Variants in NUB1 observed in about 807,000 individuals in gnomAD.
NUB1 encodes NEDD8 ultimate buster 1.
In NUB1, 41 loss-of-function variants were observed where a neutral mutation model predicts 77.1. The observed-to-expected ratio is 0.53, with a 90% CI of 0.41 to 0.69. The LOEUF (loss-of-function observed/expected upper bound fraction) is 0.69, where lower values mean the gene tolerates loss of function less well. Ranked by LOEUF, NUB1 falls within the 30% of genes least tolerant of loss-of-function variation. NUB1 has a pLI of 0.00. For missense variants in NUB1, 643 were observed against 743.8 expected, an observed-to-expected ratio of 0.86 and a Z score of 1.58; for synonymous variants, 257 against 281.0, an observed-to-expected ratio of 0.91 and a Z score of 0.85.
chr7:151,358,124 G>A (rs1289879082), intron 7 of NUB1, among the ~76,000 whole-genome samples: 2 of 150,862 alleles, frequency 1.3e-5, no homozygotes, highest in East Asian at 2.0e-4. Context: ...TACAGTGCAC[G>A]CCACCATGCC....
At chr7:151,349,643 A>G (rs114741499) in intron 3 of NUB1, among the ~76,000 whole-genome samples, 2,444 of 152,298 alleles carry the variant, frequency 0.016, 80 homozygotes, top group African/African-American at 0.056. Context: ...AGCAGGGCCG[A>G]GGAGATCTGG....
At position 151,345,218 on chromosome 7, in the gene NUB1, A is replaced by G. The variant is rs537809591; in HGVS notation, c.-2-130A>G. 97 of 585,988 alleles carry G rather than the reference A, an allele frequency of 1.7e-4. 1 individual carries two copies. Among genetic ancestry groups the G allele is most frequent in the South Asian group, 1.4e-3 (70 of 49,180 alleles). 36.3% of individuals were successfully genotyped at this position (585,988 alleles called of 1,614,324 possible). A position where few individuals can be genotyped will look rare whatever the true frequency, so the allele number is the denominator to read the frequency against. On this transcript the variant is annotated intron_variant, in intron 1 of 14. Transcript: ENST00000568733. ...GAGAAGTCTGGAGCTCATTTAAACC[A>G]TAGTAATTTATATTTAATGACAGAG...
chr7:151,364,432 CAAAAA>C (rs113699534), intron 8 of NUB1, among the ~76,000 whole-genome samples: 1 of 146,690 alleles, frequency 6.8e-6, no homozygotes. Context: ...AAAACAAAAA[CAAAAA>C]AAAACAAAAA....
chr7:151,377,007 C>A, intron 14 of NUB1, 40 bp from the exon 15 acceptor site: 1 of 1,485,972 alleles, frequency 6.7e-7, no homozygotes, highest in Non-Finnish European at 9.0e-7. Flanking sequence ...CCAGGACAAT[C>A]CTCACATAAT....
intron 5 of NUB1, among the ~76,000 whole-genome samples, chr7:151,353,985 T>C (rs1796942195): frequency 6.6e-6 from 1 of 152,222 alleles, no homozygotes; most frequent in Non-Finnish European, 1.5e-5. Flanking sequence ...TTGATTTTGA[T>C]GTCATCAAAT....
In NUB1 at chr7:151,349,139, G is replaced by C. The variant is rs780143566; in HGVS notation, c.184G>C (p.Glu62Gln). 1.3e-5 allele frequency: 21 copies of C among 1,613,472 alleles called. No homozygotes were observed. In the East Asian group the frequency reaches 4.7e-4, roughly 36 times the overall value. Residue 62 changes from glutamate (E) to glutamine (Q), a missense_variant, in exon 3 of 15, where the codon GAA becomes CAA. Coordinates refer to ENST00000568733, the MANE Select transcript of NUB1 (RefSeq NM_001243351.2). ...AAATGAAGTAGAAAAGGTAATAGAA[G>C]AAATACGTTGCAAGGCAATTGAGCG... ...CENEVEKVIE[E>Q]IRCKAIERGT...
chr7:151,352,563 C>T (rs1043573408), intron 4 of NUB1, among the ~76,000 whole-genome samples: 3 of 152,132 alleles, frequency 2.0e-5, no homozygotes, highest in African/African-American at 7.2e-5. Context: ...CTACCCAAAC[C>T]TCCCAAGCAG....
chr7:151,355,284 G>A (rs187433041), intron 5 of NUB1, among the ~76,000 whole-genome samples: 5 of 152,272 alleles, frequency 3.3e-5, no homozygotes, highest in Admixed American at 2.6e-4. Flanking sequence ...TTCTATTGTC[G>A]CTAGCTGATT....
chr7:151,370,644 T>G (rs892857570), intron 11 of NUB1, among the ~76,000 whole-genome samples: 4 of 151,852 alleles, frequency 2.6e-5, no homozygotes, highest in African/African-American at 7.3e-5. Context: ...CTGCACCCAT[T>G]AACTCGTCAT....
In NUB1 at chr7:151,368,797, G is replaced by T. The variant is rs780459886; in HGVS notation, c.1158G>T (p.Leu386Phe). The T allele has an allele frequency of 6.2e-7, 1 of 1,613,996 alleles. No individual in the cohort carries two copies. Among genetic ancestry groups the T allele is most frequent in the South Asian group, 1.1e-5 (1 of 91,062 alleles). Residue 386 changes from leucine (L) to phenylalanine (F), a missense_variant, in exon 11 of 15, where the codon TTG becomes TTT. Transcript: ENST00000568733. ...DPSKVDNLLQLGFTAQEARLG... is the reference protein window; with the variant it reads ...DPSKVDNLLQFGFTAQEARLG... ...CAAAAGTGGACAATTTGTTGCAGTT[G>T]GGGTTTACTGCCCAGGAAGCCCGGC... is the stretch of plus-strand genomic sequence containing the variant.
intron 3 of NUB1, among the ~76,000 whole-genome samples, chr7:151,350,741 G>T (rs1159936915): frequency 1.3e-5 from 2 of 152,130 alleles, no homozygotes; most frequent in East Asian, 3.9e-4. Context: ...TCGGTCTCTT[G>T]CCTTGGCACC....
intron 7 of NUB1, 59 bp downstream of exon 7, chr7:151,356,281 T>A (rs1797060639): frequency 1.6e-6 from 2 of 1,234,364 alleles, no homozygotes; most frequent in East Asian, 4.8e-5. Context: ...GCAGAGGTGG[T>A]TTTTTAGTTG....
intron 10 of NUB1, among the ~76,000 whole-genome samples, chr7:151,368,517 A>G (rs1797805582): frequency 6.6e-6 from 1 of 152,142 alleles, no homozygotes; most frequent in South Asian, 2.1e-4. Context: ...CCAGCCTCTT[A>G]CCTCGTGTTG....
rs2150649792 is a variant in NUB1, at chr7:151,341,825, C to G, written c.-24C>G. 1 of 1,507,168 alleles carries G rather than the reference C, an allele frequency of 6.6e-7. No homozygotes were observed. Among genetic ancestry groups the G allele is most frequent in the Non-Finnish European group, 8.8e-7 (1 of 1,137,038 alleles). The allele number at this position is 1,507,168 out of a possible 1,614,324, so 93.4% of individuals were successfully genotyped here. On this transcript the variant is annotated 5_prime_UTR_variant, in exon 1 of 15. Transcript: ENST00000568733. ...CCGCATCCGGGCACTCTGCTGGTCG[C>G]GGCGGGAGTGGCGTGGCGCAGGTGA...
chr7:151,366,170 T>C (rs1201266935), intron 8 of NUB1, among the ~76,000 whole-genome samples: 1 of 152,218 alleles, frequency 6.6e-6, no homozygotes, highest in Non-Finnish European at 1.5e-5. Flanking sequence ...CTGACTTCTG[T>C]TGCTGTCTTT....
At chr7:151,341,942 G>T (rs2150650169) in intron 1 of NUB1, 96 bp downstream of exon 1, 1 of 1,354,722 alleles carries the variant, frequency 7.4e-7, no homozygotes. Flanking sequence ...TCCTGGCCAG[G>T]GGTGGAGCGG....
At chr7:151,353,084 G>A (rs959512144) in intron 5 of NUB1, among the ~76,000 whole-genome samples, 6 of 152,288 alleles carry the variant, frequency 3.9e-5, no homozygotes, top group Admixed American at 2.0e-4. Flanking sequence ...CTATGATAGT[G>A]GGAAGAAAGA....
At position 151,356,118 on chromosome 7, in the gene NUB1, T is replaced by C. The variant is rs75578141; in HGVS notation, c.599-10T>C. The stretch of plus-strand genomic sequence containing the variant: ...TTGAGTTCATGGAGGTCCTTTTGGT[T>C]TTGTTACAGCAGCAGAGACAGTGGT... On this transcript the variant is annotated splice_polypyrimidine_tract_variant and intron_variant, in intron 6 of 14. Coordinates refer to ENST00000568733, the MANE Select transcript of NUB1 (RefSeq NM_001243351.2). 70,084 of 1,612,030 alleles carry C rather than the reference T, an allele frequency of 0.043. 1,761 individuals carry two copies. Among genetic ancestry groups the C allele is most frequent in the Admixed American group, 0.088 (5,287 of 59,920 alleles).
chr7:151,351,787 C>G (rs567303417), intron 4 of NUB1, among the ~76,000 whole-genome samples: 1 of 152,216 alleles, frequency 6.6e-6, no homozygotes, highest in East Asian at 1.9e-4. Context: ...GTGATACAAG[C>G]AGGAGACACC....
Sources: allele counts gnomAD v4.1 joint callset (sites outside exome capture counted in the v4.1 genomes callset), GRCh38; gene constraint gnomAD v4.1.1; transcripts MANE v1.5; gene names NCBI Gene and HGNC (gene_info 2026-07-23, HGNC 2026-07-21).